Variants in KCNH5 observed in about 807,000 individuals in gnomAD.
KCNH5 encodes voltage-gated delayed rectifier potassium channel KCNH5.
KCNH5 carries 46 observed loss-of-function variants against 96.1 expected under a neutral mutation model. The ratio of observed to expected loss-of-function variants is 0.48; its 90% confidence interval spans 0.38 to 0.61. The LOEUF (loss-of-function observed/expected upper bound fraction) is 0.61, where lower values mean the gene tolerates loss of function less well. Ranked by LOEUF, KCNH5 falls within the 20% of genes least tolerant of loss-of-function variation. KCNH5 has a pLI of 0.00. For missense variants in KCNH5, 907 were observed against 1,225.8 expected, an observed-to-expected ratio of 0.74 and a Z score of 3.88; for synonymous variants, 439 against 449.8, an observed-to-expected ratio of 0.98 and a Z score of 0.30.
chr14:63,013,628 G>T (rs565403894), intron 2 of KCNH5, among the ~76,000 whole-genome samples: 1 of 151,888 alleles, frequency 6.6e-6, no homozygotes, highest in South Asian at 2.1e-4. Flanking sequence ...GGCTTTTCTG[G>T]ATTTATTCAA....
chr14:62,785,635 C>T (rs1886305945), intron 9 of KCNH5, among the ~76,000 whole-genome samples: 1 of 152,110 alleles, frequency 6.6e-6, no homozygotes, highest in African/African-American at 2.4e-5. Context: ...TTCATCAAGT[C>T]TTATGAAGTA....
At chr14:62,910,037 T>C (rs1365024336) in intron 7 of KCNH5, among the ~76,000 whole-genome samples, 1 of 152,104 alleles carries the variant, frequency 6.6e-6, no homozygotes, top group Non-Finnish European at 1.5e-5. Flanking sequence ...CCTAGAATGG[T>C]ACCAGTTCCT....
At position 62,814,688 on chromosome 14, in the gene KCNH5, C is replaced by G. The variant is rs986434205; in HGVS notation, c.1570-12107G>C. 2.2e-5 allele frequency among the ~76,000 whole-genome samples: 3 copies of G among 138,202 alleles called. No homozygotes were observed. The East Asian group carries it at 6.6e-4, about 30-fold the overall frequency. The allele number at this position is 138,202 out of a possible 152,430, so 90.7% of individuals were successfully genotyped here. On this transcript the variant is annotated intron_variant, in intron 8 of 10. Coordinates refer to ENST00000322893, the MANE Select transcript of KCNH5 (RefSeq NM_139318.5). ...GTCCTAGCTACCCGGGAGGCTGAAG[C>G]AGGATAATCATTTGAACCTGGGAGG...
chr14:62,963,593 A>C (rs1459773832), intron 6 of KCNH5, among the ~76,000 whole-genome samples: 1 of 152,136 alleles, frequency 6.6e-6, no homozygotes. Context: ...GTAAGGCAGA[A>C]AAAAGGAGAG....
At chr14:62,797,106 G>C (rs1266479604) in intron 9 of KCNH5, among the ~76,000 whole-genome samples, 1 of 152,024 alleles carries the variant, frequency 6.6e-6, no homozygotes, top group Non-Finnish European at 1.5e-5. Flanking sequence ...CACTGACTGT[G>C]GTAAGGGATA....
intron 10 of KCNH5, among the ~76,000 whole-genome samples, chr14:62,731,421 G>A (rs1885048382): frequency 6.6e-6 from 1 of 152,064 alleles, no homozygotes; most frequent in Admixed American, 6.5e-5. Flanking sequence ...GTTCAGTGTA[G>A]TTCTCTTCCT....
At chr14:63,000,702 A>G (rs926890008) in intron 4 of KCNH5, among the ~76,000 whole-genome samples, 2 of 152,226 alleles carry the variant, frequency 1.3e-5, no homozygotes, top group African/African-American at 4.8e-5. Context: ...CACCCAAACC[A>G]TTCCACCAAT....
chr14:63,027,910 G>A (rs570266726), intron 1 of KCNH5, among the ~76,000 whole-genome samples: 2 of 152,142 alleles, frequency 1.3e-5, no homozygotes, highest in East Asian at 1.9e-4. Context: ...GTGCAGACAT[G>A]TATATACACA....
intron 1 of KCNH5, among the ~76,000 whole-genome samples, chr14:63,038,695 T>C (rs1011398627): frequency 2.0e-5 from 3 of 152,054 alleles, no homozygotes; most frequent in Non-Finnish European, 4.4e-5. Context: ...AACACTAAAA[T>C]GATGTCTAAA....
chr14:62,707,545 T>A lies in KCNH5; in HGVS notation c.2930A>T (p.Glu977Val). The change falls in exon 11 of 11, where the codon GAA (glutamate) becomes GTA (valine). Residue 977 changes from glutamate (E) to valine (V), a missense_variant. Physicochemically the swap from Glu to Val is moderately radical, Grantham distance 121. Transcript: ENST00000322893. ...TTCATCTTTGTCAGATTCAGGTGAT[T>A]CAGGCCTTGAGACACTAAAAATATC... ...CQDIFSVSRPESPESDKDEIH... is the reference protein window; with the variant it reads ...CQDIFSVSRPVSPESDKDEIH... 1 of 1,474,576 alleles carries A rather than the reference T, an allele frequency of 6.8e-7. No individual in the cohort carries two copies. Among genetic ancestry groups the A allele is most frequent in the Non-Finnish European group, 9.0e-7 (1 of 1,111,396 alleles). 91.3% of individuals were successfully genotyped at this position (1,474,576 alleles called of 1,614,324 possible).
At chr14:62,880,491 T>C (rs1888471076) in intron 7 of KCNH5, among the ~76,000 whole-genome samples, 1 of 152,208 alleles carries the variant, frequency 6.6e-6, no homozygotes, top group Non-Finnish European at 1.5e-5. Flanking sequence ...GAGAAATTCT[T>C]TGATGTCATT....
At chr14:62,976,148 C>A (rs1890494490) in intron 6 of KCNH5, among the ~76,000 whole-genome samples, 1 of 150,958 alleles carries the variant, frequency 6.6e-6, no homozygotes. Context: ...CGCCTGTAAT[C>A]CCAGCACTTT....
At chr14:62,963,382 T>A (rs761851367) in intron 6 of KCNH5, among the ~76,000 whole-genome samples, 1 of 151,988 alleles carries the variant, frequency 6.6e-6, no homozygotes, top group African/African-American at 2.4e-5. Flanking sequence ...TAGATGTTGA[T>A]ATTTAGGAAG....
At chr14:62,902,040 ATG>A (rs1888936057) in intron 7 of KCNH5, among the ~76,000 whole-genome samples, 1 of 151,878 alleles carries the variant, frequency 6.6e-6, no homozygotes, top group African/African-American at 2.4e-5. Flanking sequence ...GTATCTGTTC[ATG>A]TCCTTAGCCC....
intron 8 of KCNH5, among the ~76,000 whole-genome samples, chr14:62,831,730 A>C (rs757228305): frequency 1.3e-5 from 2 of 152,028 alleles, no homozygotes; most frequent in Non-Finnish European, 2.9e-5. Context: ...ATTTTTTGAG[A>C]TACAATCTCA....
chr14:62,929,729 T>C (rs921643748), intron 7 of KCNH5, among the ~76,000 whole-genome samples: 18 of 149,960 alleles, frequency 1.2e-4, no homozygotes, highest in African/African-American at 3.9e-4. Flanking sequence ...ACGTGTAGAT[T>C]TGTTACATGG....
intron 7 of KCNH5, among the ~76,000 whole-genome samples, chr14:62,918,638 T>TA (rs1889321925): frequency 6.6e-6 from 1 of 152,078 alleles, no homozygotes; most frequent in Admixed American, 6.6e-5. Context: ...TCAACCTCAC[T>TA]AATCACTGAA....
At chr14:62,823,889 CTTAT>C (rs773735957) in intron 8 of KCNH5, among the ~76,000 whole-genome samples, 11 of 151,948 alleles carry the variant, frequency 7.2e-5, no homozygotes, top group Non-Finnish European at 7.4e-5. Context: ...ATTATTTCCT[CTTAT>C]TTGTTATTTA....
intron 7 of KCNH5, among the ~76,000 whole-genome samples, chr14:62,892,093 T>C (rs1888722407): frequency 6.6e-6 from 1 of 152,140 alleles, no homozygotes; most frequent in East Asian, 1.9e-4. Flanking sequence ...TTAAGCTTAG[T>C]GAGGAAGGTA....
Sources: gnomAD v4.1 joint callset for allele counts (sites outside exome capture counted in the v4.1 genomes callset) on GRCh38, gnomAD v4.1.1 for gene constraint, MANE v1.5 for transcripts, NCBI Gene and HGNC (gene_info 2026-07-23, HGNC 2026-07-21) for gene names.